The following PRELID2 variants were observed in gnomAD, a reference collection of about 807,000 sequenced individuals.
PRELID2 encodes PRELI domain-containing protein 2.
A neutral mutation model predicts 28.4 loss-of-function variants in PRELID2; 25 were observed. The ratio of observed to expected loss-of-function variants is 0.88; its 90% CI spans 0.64 to 1.23. The LOEUF (loss-of-function observed/expected upper bound fraction) is 1.23. Among genes scored for constraint, PRELID2 ranks in the 50% most tolerant of loss-of-function variants. The pLI is 0.00. For missense variants in PRELID2, 201 were observed against 214.4 expected (o/e 0.94, Z 0.39); for synonymous variants, 76 against 71.6 (o/e 1.06, Z -0.31).
At chr5:145,764,335 C>T (rs1284821000) in intron 6 of PRELID2, among the ~76,000 whole-genome samples, 1 of 152,136 alleles carries the variant, frequency 6.6e-6, no homozygotes. Context: ...AGATGTGGCA[C>T]GTGCTTCAGC....
intron 1 of PRELID2, among the ~76,000 whole-genome samples, chr5:145,486,430 A>G (rs562264904): frequency 2.0e-5 from 3 of 152,332 alleles, no homozygotes; most frequent in African/African-American, 7.2e-5. Flanking sequence ...TATTCCTCAG[A>G]AACACTTTTT....
the PRELID2 span, among the ~76,000 whole-genome samples, chr5:145,444,715 GAGA>G: frequency 2.0e-5 from 3 of 151,958 alleles, no homozygotes; most frequent in African/African-American, 4.8e-5. Context: ...CACAATGAGA[GAGA>G]AGGTTACCTG....
At chr5:145,440,422 T>A in the PRELID2 span, among the ~76,000 whole-genome samples, 1 of 152,156 alleles carries the variant, frequency 6.6e-6, no homozygotes, top group East Asian at 1.9e-4. Flanking sequence ...TATTTCTTAC[T>A]TTCAGAAAAC....
chr5:145,349,544 C>T, the PRELID2 span, among the ~76,000 whole-genome samples: 2 of 151,850 alleles, frequency 1.3e-5, no homozygotes, highest in African/African-American at 4.8e-5. Context: ...TTCTTGAAAC[C>T]ATGAAGAGAC....
chr5:145,803,918 G>A (rs900154169), intron 4 of PRELID2, among the ~76,000 whole-genome samples: 2 of 151,908 alleles, frequency 1.3e-5, no homozygotes, highest in Admixed American at 6.6e-5. Context: ...CAAAGCTCTT[G>A]GAACAGAAGC....
the PRELID2 span, among the ~76,000 whole-genome samples, chr5:145,423,120 G>A: frequency 6.6e-6 from 1 of 151,732 alleles, no homozygotes; most frequent in Non-Finnish European, 1.5e-5. Context: ...TAGTCTGATG[G>A]GCTTCCCTGT....
intron 1 of PRELID2, among the ~76,000 whole-genome samples, chr5:145,558,030 T>G (rs1425012605): frequency 6.6e-6 from 1 of 152,220 alleles, no homozygotes; most frequent in South Asian, 2.1e-4. Context: ...AATGAAATTA[T>G]TTAATGTCAT....
chr5:145,327,344 G>A, the PRELID2 span, among the ~76,000 whole-genome samples: 1 of 152,004 alleles, frequency 6.6e-6, no homozygotes, highest in Non-Finnish European at 1.5e-5. Flanking sequence ...TCAGCTTGAT[G>A]AATTGACCAC....
At chr5:145,435,131 A>G in the PRELID2 span, among the ~76,000 whole-genome samples, 5 of 152,238 alleles carry the variant, frequency 3.3e-5, no homozygotes, top group African/African-American at 1.2e-4. Flanking sequence ...ACCATCCTGG[A>G]ACGTATGCCC....
chr5:145,347,628 G>A, the PRELID2 span, among the ~76,000 whole-genome samples: 2 of 151,962 alleles, frequency 1.3e-5, no homozygotes, highest in African/African-American at 4.8e-5. Context: ...TTGAGTTTTG[G>A]AGTTTCAGAG....
chr5:145,804,147 A>G (rs1185972046), intron 4 of PRELID2, among the ~76,000 whole-genome samples: 2 of 152,168 alleles, frequency 1.3e-5, no homozygotes, highest in East Asian at 3.9e-4. Context: ...AAATGATAGA[A>G]TCTCAGAGGC....
the PRELID2 span, among the ~76,000 whole-genome samples, chr5:145,317,569 A>C: frequency 6.6e-6 from 1 of 152,168 alleles, no homozygotes; most frequent in Non-Finnish European, 1.5e-5. Context: ...TAGGCTTCTT[A>C]CTGGATTTGA....
chr5:145,495,034 T>C (rs1011759101), intron 1 of PRELID2, among the ~76,000 whole-genome samples: 1 of 152,202 alleles, frequency 6.6e-6, no homozygotes, highest in Non-Finnish European at 1.5e-5. Flanking sequence ...AAGGTAGCTA[T>C]CAAATCATTC....
chr5:145,763,332 T>TCC (rs890465859), intron 6 of PRELID2, among the ~76,000 whole-genome samples: 24 of 152,172 alleles, frequency 1.6e-4, no homozygotes, highest in African/African-American at 5.8e-4. Context: ...AGGAACAGGG[T>TCC]GGGTGTAGGA....
chr5:145,335,363 T>C, the PRELID2 span, among the ~76,000 whole-genome samples: 147 of 152,182 alleles, frequency 9.7e-4, no homozygotes, highest in African/African-American at 3.2e-3. Flanking sequence ...TTATGTATTG[T>C]TTTTCCTGGT....
chr5:145,488,625 G>T (rs1177077258), intron 1 of PRELID2, among the ~76,000 whole-genome samples: 4 of 152,138 alleles, frequency 2.6e-5, no homozygotes, highest in Non-Finnish European at 5.9e-5. Context: ...TTTACAATTT[G>T]TCCATTCTCT....
At chr5:145,368,587 T>C in the PRELID2 span, among the ~76,000 whole-genome samples, 1 of 152,100 alleles carries the variant, frequency 6.6e-6, no homozygotes, top group East Asian at 1.9e-4. Context: ...TGGTCTCTCA[T>C]GGCCTTTACA....
chr5:145,403,068 A>C, the PRELID2 span, among the ~76,000 whole-genome samples: 1 of 152,120 alleles, frequency 6.6e-6, no homozygotes, highest in Admixed American at 6.6e-5. Context: ...TTTAATGTAA[A>C]CTTCTTCCCT....
At chr5:145,341,752 T>G in the PRELID2 span, among the ~76,000 whole-genome samples, 2 of 150,488 alleles carry the variant, frequency 1.3e-5, no homozygotes, top group Admixed American at 1.3e-4. Flanking sequence ...ATTTGTAACA[T>G]TTGGGACAAC....
Sources: allele counts gnomAD v4.1 joint callset (sites outside exome capture counted in the v4.1 genomes callset), GRCh38; gene constraint gnomAD v4.1.1; transcripts MANE v1.5; gene names NCBI Gene and HGNC (gene_info 2026-07-23, HGNC 2026-07-21).